CTIF: variants seen among roughly 807,000 people sequenced by gnomAD.
CTIF encodes CBP80/20-dependent translation initiation factor.
CTIF carries 21 observed loss-of-function variants against 66.0 expected under a neutral mutation model. The ratio of observed to expected loss-of-function variants is 0.32; its 90% CI spans 0.23 to 0.46. The LOEUF (loss-of-function observed/expected upper bound fraction) is 0.46, where lower values mean the gene tolerates loss of function less well. Ranked by LOEUF, CTIF falls within the 20% of genes least tolerant of loss-of-function variation. The pLI is 1.00. For missense variants in CTIF, 739 were observed against 812.7 expected, an observed-to-expected ratio of 0.91 and a Z score of 1.10; for synonymous variants, 345 against 326.4, an observed-to-expected ratio of 1.06 and a Z score of -0.62.
chr18:48,568,633 T>TAAAAA lies in CTIF; in HGVS notation c.-29+29352_-29+29356dup, dbSNP rs58084631. Among the ~76,000 whole-genome samples, 292 of 36,626 alleles carry TAAAAA rather than the reference T, an allele frequency of 8.0e-3. 30 individuals carry two copies. The highest frequency in any genetic ancestry group is 0.01 in the African/African-American group (134 of 13,396). 24.0% of individuals were successfully genotyped at this position (36,626 alleles called of 152,430 possible). A position where few individuals can be genotyped will look rare whatever the true frequency, so the allele number is the denominator to read the frequency against. ...GAAATACCTGAGACTGGGCAATTTG[T>TAAAAA]AAAAAAAAAAAAAAAAAAAAAAAAA... is the stretch of plus-strand genomic sequence containing the variant. On this transcript the variant is annotated intron_variant, in intron 1 of 11. Transcript: ENST00000256413.
intron 6 of CTIF, among the ~76,000 whole-genome samples, chr18:48,677,411 C>T (rs192364110): frequency 3.1e-4 from 47 of 152,332 alleles, no homozygotes; most frequent in Non-Finnish European, 2.6e-4. Flanking sequence ...GTCCCATAGA[C>T]GGGGACATGG....
chr18:48,672,080 C>T (rs1013864538), intron 6 of CTIF, among the ~76,000 whole-genome samples: 3 of 128,246 alleles, frequency 2.3e-5, no homozygotes, highest in Admixed American at 2.3e-4. Context: ...GCTGATAATG[C>T]TCCTGGCTTG....
At chr18:48,602,502 T>C (rs1195813861) in intron 1 of CTIF, among the ~76,000 whole-genome samples, 1 of 152,258 alleles carries the variant, frequency 6.6e-6, no homozygotes, top group Admixed American at 6.5e-5. Flanking sequence ...ATTTTCTCTG[T>C]GGTTCATAAA....
intron 3 of CTIF, among the ~76,000 whole-genome samples, chr18:48,641,101 G>T (rs1013649483): frequency 6.6e-6 from 1 of 152,208 alleles, no homozygotes; most frequent in East Asian, 1.9e-4. Context: ...GACGTCAGAC[G>T]TTTCCAGCTT....
chr18:48,815,502 T>C (rs1177457637), intron 9 of CTIF, among the ~76,000 whole-genome samples: 2 of 152,254 alleles, frequency 1.3e-5, no homozygotes, highest in Non-Finnish European at 2.9e-5. Flanking sequence ...GTTACTGTTT[T>C]ACATATAAAT....
chr18:48,670,666 C>G lies in CTIF; in HGVS notation c.432-3C>G. On this transcript the variant is annotated splice_region_variant and splice_polypyrimidine_tract_variant and intron_variant, in intron 5 of 11. Coordinates refer to ENST00000256413, the MANE Select transcript of CTIF (RefSeq NM_014772.3). ...CAATGCCTTTCTGTCTTTTCTGGTC[C>G]AGGTGTGGCAAAGGGAAGCTGGAAG... 1.2e-6 allele frequency: 2 copies of G among 1,613,714 alleles called. No individual in the cohort carries two copies. Among genetic ancestry groups the G allele is most frequent in the Non-Finnish European group, 1.7e-6 (2 of 1,179,640 alleles).
intron 1 of CTIF, among the ~76,000 whole-genome samples, chr18:48,569,478 CA>C (rs538262039): frequency 4.0e-4 from 58 of 146,352 alleles, no homozygotes; most frequent in East Asian, 1.2e-3. Flanking sequence ...AACAAAAAAA[CA>C]AAAAAAAAAC....
At chr18:48,624,902 A>G (rs1598757425) in intron 2 of CTIF, among the ~76,000 whole-genome samples, 1 of 152,214 alleles carries the variant, frequency 6.6e-6, no homozygotes, top group African/African-American at 2.4e-5. Flanking sequence ...AGTGAAGATC[A>G]CTTCCTATAG....
intron 3 of CTIF, among the ~76,000 whole-genome samples, chr18:48,649,339 C>G (rs1414389370): frequency 6.6e-6 from 1 of 152,250 alleles, no homozygotes; most frequent in Non-Finnish European, 1.5e-5. Context: ...CCCATAGAGC[C>G]TTACTCACTG....
intron 9 of CTIF, among the ~76,000 whole-genome samples, chr18:48,762,550 T>G (rs1909111442): frequency 6.6e-6 from 1 of 152,214 alleles, no homozygotes; most frequent in Non-Finnish European, 1.5e-5. Flanking sequence ...CCATGTCTCC[T>G]TTCCTCCTAT....
intron 3 of CTIF, among the ~76,000 whole-genome samples, chr18:48,638,975 C>T (rs1568094974): frequency 6.6e-6 from 1 of 152,190 alleles, no homozygotes; most frequent in Non-Finnish European, 1.5e-5. Flanking sequence ...CCCTGACCTG[C>T]GGTGGCCGAC....
chr18:48,695,137 G>A (rs1165498474), intron 6 of CTIF, among the ~76,000 whole-genome samples: 3 of 146,570 alleles, frequency 2.0e-5, no homozygotes, highest in Non-Finnish European at 4.4e-5. Flanking sequence ...AAGGGAGAGG[G>A]AAGAAGTGAG....
intron 7 of CTIF, among the ~76,000 whole-genome samples, chr18:48,757,599 A>C (rs1447335449): frequency 6.6e-6 from 1 of 152,212 alleles, no homozygotes; most frequent in Non-Finnish European, 1.5e-5. Context: ...AGGAGGGTTC[A>C]CTGTTATCTG....
intron 1 of CTIF, among the ~76,000 whole-genome samples, chr18:48,555,908 C>T (rs1223872690): frequency 3.3e-5 from 5 of 152,130 alleles, no homozygotes; most frequent in African/African-American, 1.2e-4. Context: ...TTTCAGGGAG[C>T]CTTCAGCCAG....
chr18:48,763,418 C>T (rs1909203270), intron 9 of CTIF, among the ~76,000 whole-genome samples: 1 of 152,252 alleles, frequency 6.6e-6, no homozygotes, highest in South Asian at 2.1e-4. Context: ...CAGTCAGCCA[C>T]AAAGGGGGCC....
intron 3 of CTIF, among the ~76,000 whole-genome samples, chr18:48,659,705 A>G (rs2091309029): frequency 6.6e-6 from 1 of 152,182 alleles, no homozygotes. Context: ...CCCGGCCCAA[A>G]GGCCCAAGGT....
intron 1 of CTIF, among the ~76,000 whole-genome samples, chr18:48,617,952 G>A (rs944608597): frequency 2.0e-5 from 3 of 152,186 alleles, no homozygotes; most frequent in Admixed American, 1.3e-4. Context: ...CCCTTGCAGC[G>A]GCCAAAAGCC....
chr18:48,707,550 C>CTCT (rs61360241), intron 6 of CTIF, among the ~76,000 whole-genome samples: 6 of 151,532 alleles, frequency 4.0e-5, no homozygotes, highest in African/African-American at 7.3e-5. Context: ...CCTTGTCCTC[C>CTCT]TCTTCTTCTT....
intron 7 of CTIF, among the ~76,000 whole-genome samples, chr18:48,724,133 T>G (rs1322204226): frequency 6.6e-6 from 1 of 152,206 alleles, no homozygotes; most frequent in East Asian, 1.9e-4. Context: ...CTTCAAATTA[T>G]GGGCTGGATG....
Sources: allele counts gnomAD v4.1 joint callset (sites outside exome capture counted in the v4.1 genomes callset), GRCh38; gene constraint gnomAD v4.1.1; transcripts MANE v1.5; gene names NCBI Gene and HGNC (gene_info 2026-07-23, HGNC 2026-07-21).